The following FAM149A variants were observed in gnomAD, a reference collection of about 807,000 sequenced individuals.
FAM149A encodes the protein family with sequence similarity 149 member A.
FAM149A carries 71 observed loss-of-function variants against 78.2 expected under a neutral mutation model. The observed-to-expected ratio is 0.91, with a 90% CI of 0.75 to 1.11. FAM149A has a LOEUF of 1.11. FAM149A is among the 50% of genes least tolerant of loss of function. The pLI is 0.00. For synonymous variants in FAM149A, 446 were observed against 410.5 expected (o/e 1.09, Z -1.04); for missense variants, 1,036 against 971.0 (o/e 1.07, Z -0.89).
At chr4:186,138,576 T>C (rs1447997459) in intron 1 of FAM149A, among the ~76,000 whole-genome samples, 5 of 152,180 alleles carry the variant, frequency 3.3e-5, no homozygotes, top group Non-Finnish European at 2.9e-5. Flanking sequence ...GTCTCCTCAG[T>C]GTCCTCTGAT....
chr4:186,133,606 C>T (rs980246295), intron 1 of FAM149A, among the ~76,000 whole-genome samples: 3 of 152,158 alleles, frequency 2.0e-5, no homozygotes, highest in African/African-American at 4.8e-5. Context: ...ATCCATTCTT[C>T]TGTTGATGGA....
In FAM149A at chr4:186,157,649, C is replaced by A. The variant is rs370042426; in HGVS notation, c.1505C>A (p.Ala502Asp). 29 of 1,614,090 alleles carry A rather than the reference C, an allele frequency of 1.8e-5. No individual in the cohort carries two copies. In the African/African-American group the frequency reaches 2.8e-4, roughly 16 times the overall value. Reference sequence around the variant, plus strand: ...GTTCCACACGCTCACGCCGATGGAGCCAGTGGCCCCCCGTCCGGACACGCC... The same window carrying A: ...GTTCCACACGCTCACGCCGATGGAGACAGTGGCCCCCCGTCCGGACACGCC... Residue 502 changes from alanine (A) to aspartate (D), a missense_variant, in exon 8 of 14, where the codon GCC becomes GAC. Ala to Asp is a moderately radical substitution (Grantham distance 126, BLOSUM62 -2). Transcript: ENST00000389354.
At chr4:186,152,455 T>C (rs1187547917) in intron 4 of FAM149A, among the ~76,000 whole-genome samples, 1 of 151,974 alleles carries the variant, frequency 6.6e-6, no homozygotes, top group Non-Finnish European at 1.5e-5. Context: ...CCATTCCTTA[T>C]GTAGGGAGGA....
intron 1 of FAM149A, among the ~76,000 whole-genome samples, chr4:186,140,742 A>G (rs1432648944): frequency 6.6e-6 from 1 of 152,234 alleles, no homozygotes; most frequent in Non-Finnish European, 1.5e-5. Flanking sequence ...TGTACTTTTC[A>G]ATTCTCAATT....
chr4:186,157,178 A>C (rs1734101331), intron 7 of FAM149A, among the ~76,000 whole-genome samples: 1 of 152,156 alleles, frequency 6.6e-6, no homozygotes, highest in Admixed American at 6.5e-5. Context: ...ATATTCTCTA[A>C]ACTTAACATT....
Position 186,153,733 on chromosome 4 carries a change from C to A in FAM149A, c.1021C>A (p.Pro341Thr). 3 of 1,613,834 alleles carry A rather than the reference C, an allele frequency of 1.9e-6. No individual in the cohort carries two copies. Among genetic ancestry groups the A allele is most frequent in the Non-Finnish European group, 2.5e-6 (3 of 1,179,802 alleles). The change falls in exon 5 of 14, where the codon CCG becomes ACG. Residue 341 changes from proline to threonine, a missense_variant. By Grantham distance (38) the Pro-to-Thr change is conservative (BLOSUM62 -1). Coordinates refer to ENST00000389354, the MANE Select transcript of FAM149A (RefSeq NM_001367768.3). ...TCCTGCCTCCGCAGTCCACAGACCC[C>A]CGCTCAGTGCCTGCGGACACAGCAG...
At chr4:186,122,389 G>A (rs573296420) in intron 1 of FAM149A, among the ~76,000 whole-genome samples, 1 of 152,304 alleles carries the variant, frequency 6.6e-6, no homozygotes, top group South Asian at 2.1e-4. Context: ...GAATATTAAA[G>A]AGAATATTGG....
intron 3 of FAM149A, among the ~76,000 whole-genome samples, chr4:186,150,483 G>C (rs1476057684): frequency 1.6e-5 from 2 of 127,978 alleles, no homozygotes; most frequent in Non-Finnish European, 3.3e-5. Context: ...GCAGGGGCGC[G>C]ATCTCGGCTC....
At chr4:186,163,380 TCACA>T (rs1734767979) in intron 9 of FAM149A, 40 bp from the exon 10 acceptor site, 1 of 1,525,086 alleles carries the variant, frequency 6.6e-7, no homozygotes. Context: ...TTCCCTGTTA[TCACA>T]GCACTCGCAG....
chr4:186,132,986 G>C, intron 1 of FAM149A: 1 of 985,324 alleles, frequency 1.0e-6, no homozygotes, highest in Non-Finnish European at 1.2e-6. Context: ...CATTGACGCT[G>C]TGCTCTGAGA....
chr4:186,158,061 TG>T, intron 8 of FAM149A: 1 of 1,372,752 alleles, frequency 7.3e-7, no homozygotes, highest in Non-Finnish European at 9.6e-7. Context: ...TGAAGGGACC[TG>T]GGAGAAGCTG....
chr4:186,155,717 C>G (rs1733989033), intron 6 of FAM149A, among the ~76,000 whole-genome samples: 1 of 151,668 alleles, frequency 6.6e-6, no homozygotes, highest in Non-Finnish European at 1.5e-5. Flanking sequence ...AAAGAACAAA[C>G]TAAGCCCAAA....
intron 1 of FAM149A, chr4:186,109,371 A>G (rs1276287036): frequency 1.4e-6 from 1 of 691,260 alleles, no homozygotes; most frequent in Non-Finnish European, 1.8e-6. Flanking sequence ...GAAACATTGC[A>G]GTGGCTGCTT....
At chr4:186,118,687 G>A (rs968019174) in intron 1 of FAM149A, among the ~76,000 whole-genome samples, 5 of 151,964 alleles carry the variant, frequency 3.3e-5, no homozygotes, top group East Asian at 1.9e-4. Context: ...TTAAAATACC[G>A]GGCTAAGCAA....
At position 186,156,186 on chromosome 4, in the gene FAM149A, C is replaced by T; in HGVS notation, c.1416C>T (p.Leu472=). 1 of 1,610,642 alleles carries T rather than the reference C, an allele frequency of 6.2e-7. No homozygotes were observed. The highest frequency in any genetic ancestry group is 8.5e-7 in the Non-Finnish European group (1 of 1,178,396). ...TTAGAAAACACTGGGAAACTACACT[C>T]ACAGGTACTTACATGCAGAATTTAG... is the stretch of plus-strand genomic sequence containing the variant. Residue 472 remains leucine (L), a synonymous_variant, in exon 7 of 14, where the codon CTC becomes CTT. Transcript: ENST00000389354.
At chr4:186,152,690 A>G (rs1228789179) in intron 4 of FAM149A, among the ~76,000 whole-genome samples, 5 of 151,542 alleles carry the variant, frequency 3.3e-5, no homozygotes, top group Middle Eastern at 3.4e-3. Context: ...GACTACAGGC[A>G]CCTGCCACCA....
intron 1 of FAM149A, among the ~76,000 whole-genome samples, chr4:186,136,968 C>CTCTCTCTCTCTCTCTT (rs1561396359): frequency 1.7e-4 from 13 of 78,592 alleles, no homozygotes; most frequent in African/African-American, 6.6e-4. Context: ...CTCTCTTTCT[C>CTCTCTCTCTCTCTCTT]TCTCTCTTTC....
At chr4:186,154,716 TTAAG>T (rs1733896134) in intron 6 of FAM149A, 78 bp downstream of exon 6, 16 of 1,462,956 alleles carry the variant, frequency 1.1e-5, no homozygotes, top group Non-Finnish European at 1.5e-5. Flanking sequence ...CGTATGCTCA[TTAAG>T]TGTTTTGTGT....
intron 13 of FAM149A, 50 bp from the exon 14 acceptor site, chr4:186,171,864 G>A: frequency 6.6e-7 from 1 of 1,513,142 alleles, no homozygotes; most frequent in South Asian, 1.3e-5. Context: ...TTCTGAGTGG[G>A]TGCCTTTGTA....
Sources: gnomAD v4.1 joint callset for allele counts (sites outside exome capture counted in the v4.1 genomes callset) on GRCh38, gnomAD v4.1.1 for gene constraint, MANE v1.5 for transcripts, NCBI Gene and HGNC (gene_info 2026-07-23, HGNC 2026-07-21) for gene names.